The following CAMKK1 variants were observed in gnomAD, a reference collection of about 807,000 sequenced individuals.
CAMKK1 encodes calcium/calmodulin-dependent protein kinase kinase 1.
CAMKK1 carries 20 observed loss-of-function variants against 63.5 expected under a neutral mutation model. That is an observed-to-expected ratio of 0.32 (90% CI 0.22 to 0.46). The LOEUF is 0.46. Among genes scored for constraint, CAMKK1 ranks in the 20% least tolerant of loss-of-function variants. The pLI is 1.00. For missense variants in CAMKK1, 588 were observed against 658.1 expected (o/e 0.89, Z 1.17); for synonymous variants, 253 against 269.0 (o/e 0.94, Z 0.58).
intron 15 of CAMKK1, among the ~76,000 whole-genome samples, chr17:3,864,663 C>T (rs1053407682): frequency 6.6e-6 from 1 of 152,198 alleles, no homozygotes; most frequent in Non-Finnish European, 1.5e-5. Context: ...CATCAGGGGC[C>T]TACATTCCTG....
intron 10 of CAMKK1, 131 bp from the exon 11 acceptor site, chr17:3,873,593 C>G (rs559832181): frequency 1.2e-5 from 11 of 880,090 alleles, no homozygotes; most frequent in Admixed American, 2.0e-5. Flanking sequence ...ACAAACACTC[C>G]GCGGTACTTG....
At position 3,861,212 on chromosome 17, in the gene CAMKK1, C is replaced by T. The variant is rs1282213659; in HGVS notation, c.*999G>A. On this transcript the variant is annotated 3_prime_UTR_variant, in exon 16 of 16. Coordinates refer to ENST00000348335, the MANE Select transcript of CAMKK1 (RefSeq NM_032294.3). ...ATCCCTCCGACCTGGACAGTTTGTC[C>T]TTCGTTGTAGGAGTGTGAGTGCAGC... The T allele has an allele frequency of 6.6e-6, 1 of 152,320 alleles. No homozygotes were observed. The highest frequency in any genetic ancestry group is 2.4e-5 in the African/African-American group (1 of 41,460). The allele number at this position is 152,320 out of a possible 1,614,324, so 9.4% of individuals were successfully genotyped here. A position where few individuals can be genotyped will look rare whatever the true frequency, so the allele number is the denominator to read the frequency against.
intron 10 of CAMKK1, 148 bp downstream of exon 10, chr17:3,876,075 T>C: frequency 1.4e-6 from 1 of 732,338 alleles, no homozygotes. Flanking sequence ...GCCAAAGTTG[T>C]GGAGTTTGTC....
At chr17:3,868,526 C>T (rs1336396282) in intron 14 of CAMKK1, among the ~76,000 whole-genome samples, 4 of 152,218 alleles carry the variant, frequency 2.6e-5, no homozygotes, top group South Asian at 2.1e-4. Context: ...CTGCCCAGGC[C>T]GTTCCCCTGC....
At position 3,861,515 on chromosome 17, in the gene CAMKK1, TCCATCCACTTGGCTG is replaced by T. The variant is rs1242397656; in HGVS notation, c.*681_*695del. 2 of 152,592 alleles carry T rather than the reference TCCATCCACTTGGCTG, an allele frequency of 1.3e-5. No homozygotes were observed. The highest frequency in any genetic ancestry group is 2.9e-5 in the Non-Finnish European group (2 of 68,328). 9.5% of individuals were successfully genotyped at this position (152,592 alleles called of 1,614,324 possible). A position where few individuals can be genotyped will look rare whatever the true frequency, so the allele number is the denominator to read the frequency against. On this transcript the variant is annotated 3_prime_UTR_variant, in exon 16 of 16. Coordinates refer to ENST00000348335, the MANE Select transcript of CAMKK1 (RefSeq NM_032294.3). ...CGAAACACAGTCCAGGAAAGTTAGT[TCCATCCACTTGGCTG>T]CCAAATAATCTTGGGCTGTGCTGGG...
Position 3,873,467 on chromosome 17 carries a change from A to T in CAMKK1, c.997-5T>A, listed in dbSNP as rs1171807336. The T allele has an allele frequency of 1.2e-6, 2 of 1,613,946 alleles. No individual in the cohort carries two copies. ...AGTGGCCCATACATCCAAGGCCTGG[A>T]AAGAAACATGCTCACATCAGTCCCC... On this transcript the variant is annotated splice_region_variant and splice_polypyrimidine_tract_variant and intron_variant, in intron 10 of 15. Coordinates refer to ENST00000348335, the MANE Select transcript of CAMKK1 (RefSeq NM_032294.3).
Position 3,884,546 on chromosome 17 carries a change from C to CCTG in CAMKK1, c.361-120_361-119insCAG. The CCTG allele has an allele frequency of 2.3e-6, 2 of 880,688 alleles. No individual in the cohort carries two copies. The highest frequency in any genetic ancestry group is 2.7e-5 in the East Asian group (1 of 36,856). The allele number at this position is 880,688 out of a possible 1,614,324, so 54.6% of individuals were successfully genotyped here. ...GCTCCTCATTCCCGGACCCCCAGGT[C>CCTG]TCACCAAGCTTTTGAGTTTGGATGG... On this transcript the variant is annotated intron_variant, in intron 2 of 15. Coordinates refer to ENST00000348335, the MANE Select transcript of CAMKK1 (RefSeq NM_032294.3). The surrounding 1 kb of genome is among the most constrained non-coding windows in gnomAD (Gnocchi z 4.5).
Position 3,862,219 on chromosome 17 carries a change from C to T in CAMKK1, c.1510G>A (p.Ala504Thr). ...TGGGTGCATGCAGGGGCTCAGGATG[C>T]AGCCTCGTCTTCCTGGACGCCGGGG... ...ELPGVQEDEA[A>T]S The change falls in exon 16 of 16, where the codon GCA (alanine) becomes ACA (threonine). Residue 504 changes from alanine to threonine, a missense_variant. Physicochemically the swap from Ala to Thr is moderately conservative, Grantham distance 58. Coordinates refer to ENST00000348335, the MANE Select transcript of CAMKK1 (RefSeq NM_032294.3). The surrounding 1 kb of genome is among the most constrained non-coding windows in gnomAD (Gnocchi z 4.1). The T allele has an allele frequency of 6.3e-7, 1 of 1,587,256 alleles. No homozygotes were observed. Among genetic ancestry groups the T allele is most frequent in the Non-Finnish European group, 8.6e-7 (1 of 1,166,256 alleles).
rs778299550 is a variant in CAMKK1, at chr17:3,880,429, A to G, written c.713T>C (p.Val238Ala). The G allele has an allele frequency of 2.9e-5, 46 of 1,613,230 alleles. No individual in the cohort carries two copies. The highest frequency in any genetic ancestry group is 3.5e-5 in the Non-Finnish European group (41 of 1,179,770). ...GGGCTTGTCACAGGGCACTTCCATG[A>G]CGGGCCTATGGAGAAGGATGCGGGG... is the stretch of plus-strand genomic sequence containing the variant. ...LVFDLLRKGPVMEVPCDKPFS... is the reference protein window; with the variant it reads ...LVFDLLRKGPAMEVPCDKPFS... Residue 238 changes from valine (V) to alanine (A), a missense_variant, in exon 9 of 16, where the codon GTC becomes GCC. Around this residue, in one of 3 missense-constraint regions of CAMKK1, gnomAD observed 357 missense variants for 407.4 expected, o/e 0.88. Transcript: ENST00000348335.
chr17:3,869,986 G>C, intron 12 of CAMKK1, 98 bp from the exon 13 acceptor site: 9 of 974,918 alleles, frequency 9.2e-6, no homozygotes, highest in Non-Finnish European at 1.5e-5. Context: ...CGGATGGGAA[G>C]ACTGAGTTCC....
In CAMKK1 at chr17:3,861,881, C is replaced by T; in HGVS notation, c.*330G>A. On this transcript the variant is annotated 3_prime_UTR_variant, in exon 16 of 16. Coordinates refer to ENST00000348335, the MANE Select transcript of CAMKK1 (RefSeq NM_032294.3). ...CTGCCATCTTGGTCTCCTGCCTCTG[C>T]CTCCTGCCCCAGGCCATGCCAACCA... 1 of 357,218 alleles carries T rather than the reference C, an allele frequency of 2.8e-6. No homozygotes were observed. Among genetic ancestry groups the T allele is most frequent in the South Asian group, 3.9e-5 (1 of 25,654 alleles). 22.1% of individuals were successfully genotyped at this position (357,218 alleles called of 1,614,324 possible).
rs373738159 is a variant in CAMKK1 at position 3,882,611 on chromosome 17, G to A, written c.649-47C>T. 7 of 1,556,578 alleles carry A rather than the reference G, an allele frequency of 4.5e-6. No individual in the cohort carries two copies. Among genetic ancestry groups the A allele is most frequent in the East Asian group, 2.4e-5 (1 of 42,470 alleles). On this transcript the variant is annotated intron_variant, in intron 6 of 15. Transcript: ENST00000348335. This position sits in a 1 kb window ranked among gnomAD's most constrained non-coding sequence, Gnocchi z 4.3. The stretch of plus-strand genomic sequence containing the variant: ...GGGGGTGGGGCTTGAGGAGGCGTGG[G>A]GTTGGAGGTCCCAGGCCTCCTGGTC...
In CAMKK1 at chr17:3,862,088, G is replaced by A. The variant is rs780866353; in HGVS notation, c.*123C>T. On this transcript the variant is annotated 3_prime_UTR_variant, in exon 16 of 16. Transcript: ENST00000348335. The surrounding 1 kb of genome is among the most constrained non-coding windows in gnomAD (Gnocchi z 4.1). ...GGAGGTCATGCAGCACGATGGGGGA[G>A]GGGCGGGAGTGGGGCTGCAGTCCCC... 2.7e-4 allele frequency: 193 copies of A among 704,976 alleles called. No homozygotes were observed. The highest frequency in any genetic ancestry group is 3.9e-4 in the Middle Eastern group (1 of 2,580). 43.7% of individuals were successfully genotyped at this position (704,976 alleles called of 1,614,324 possible). A position where few individuals can be genotyped will look rare whatever the true frequency, so the allele number is the denominator to read the frequency against.
rs532834000 is a variant in CAMKK1 at position 3,889,788 on chromosome 17, C to T, written c.-44+3151G>A. On this transcript the variant is annotated intron_variant, in intron 1 of 15. Transcript: ENST00000348335. This position sits in a 1 kb window ranked among gnomAD's most constrained non-coding sequence, Gnocchi z 5.2. Reference sequence around the variant, plus strand: ...TCTGGCCACTCCCAAGGAATGTGGGCCCCCGGCTCCAGACGCCCACTTGGC... The same window carrying T: ...TCTGGCCACTCCCAAGGAATGTGGGTCCCCGGCTCCAGACGCCCACTTGGC... 4.6e-5 allele frequency among the ~76,000 whole-genome samples: 7 copies of T among 152,274 alleles called. No individual in the cohort carries two copies. The East Asian group carries it at 5.8e-4, about 13-fold the overall frequency.
chr17:3,890,680 A>T lies in CAMKK1; in HGVS notation c.-44+2259T>A. The T allele has an allele frequency of 1.3e-6, 1 of 779,114 alleles. No individual in the cohort carries two copies. Among genetic ancestry groups the T allele is most frequent in the Non-Finnish European group, 2.4e-6 (1 of 417,806 alleles). The allele number at this position is 779,114 out of a possible 1,614,324, so 48.3% of individuals were successfully genotyped here. ...CTGTTGCCCACCCTTGCTCCCCACA[A>T]CCCCACACTTACTCTCCACTGCAGC... On this transcript the variant is annotated intron_variant, in intron 1 of 15. Transcript: ENST00000348335. This position sits in a 1 kb window ranked among gnomAD's most constrained non-coding sequence, Gnocchi z 6.5.
chr17:3,868,481 A>G (rs1178224072), intron 14 of CAMKK1, among the ~76,000 whole-genome samples: 3 of 151,662 alleles, frequency 2.0e-5, no homozygotes, highest in Non-Finnish European at 4.4e-5. Context: ...CCTAACTGAT[A>G]CGTGGGCTTT....
At position 3,873,376 on chromosome 17, in the gene CAMKK1, C is replaced by T. The variant is rs369077993; in HGVS notation, c.1050+33G>A. 46 of 1,610,326 alleles carry T rather than the reference C, an allele frequency of 2.9e-5. No homozygotes were observed. In the Admixed American group the frequency reaches 3.3e-4, roughly 12 times the overall value. Reference sequence around the variant, plus strand: ...TCGCCCGTGCCCGCCTCACTGGACCCGCCCCAGCTCTGCTGGCATCCCTGG... The same window carrying T: ...TCGCCCGTGCCCGCCTCACTGGACCTGCCCCAGCTCTGCTGGCATCCCTGG... On this transcript the variant is annotated intron_variant, in intron 11 of 15. Coordinates refer to ENST00000348335, the MANE Select transcript of CAMKK1 (RefSeq NM_032294.3).
Position 3,882,666 on chromosome 17 carries a change from T to C in CAMKK1, c.649-102A>G. On this transcript the variant is annotated intron_variant, in intron 6 of 15. Transcript: ENST00000348335. This position sits in a 1 kb window ranked among gnomAD's most constrained non-coding sequence, Gnocchi z 4.3. ...CCAGCCCCAGAACCCTTAGTATGCA[T>C]GCAACCACCCCAGACAAGGAAGCAG... The C allele has an allele frequency of 5.5e-6, 6 of 1,082,316 alleles. No individual in the cohort carries two copies. In the South Asian group the frequency reaches 8.2e-5, roughly 15 times the overall value. The allele number at this position is 1,082,316 out of a possible 1,614,324, so 67.0% of individuals were successfully genotyped here.
At position 3,882,555 on chromosome 17, in the gene CAMKK1, C is replaced by A; in HGVS notation, c.658G>T (p.Asp220Tyr). 6.3e-7 allele frequency: 1 copy of A among 1,593,562 alleles called. No individual in the cohort carries two copies. The highest frequency in any genetic ancestry group is 1.1e-5 in the South Asian group (1 of 88,222). ...AAATAGAGGTTGTCCTCAGCTGGGTCATCCAGGACCTGGTCAGAGGGAGCA... is the reference window on the plus strand; with the variant it reads ...AAATAGAGGTTGTCCTCAGCTGGGTAATCCAGGACCTGGTCAGAGGGAGCA... ...NVVKLIEVLD[D>Y]PAEDNLYLVF... The change falls in exon 7 of 16, where the codon GAC (aspartate) becomes TAC (tyrosine). Residue 220 changes from aspartate to tyrosine, a missense_variant. By Grantham distance (160) the Asp-to-Tyr change is radical. Coordinates refer to ENST00000348335, the MANE Select transcript of CAMKK1 (RefSeq NM_032294.3). This position sits in a 1 kb window ranked among gnomAD's most constrained non-coding sequence, Gnocchi z 4.3.
Sources: gnomAD v4.1 joint callset for allele counts (sites outside exome capture counted in the v4.1 genomes callset) on GRCh38, gnomAD v4.1.1 for gene constraint, gnomAD v4.1.1 regional missense constraint, Gnocchi (gnomAD v3.1) non-coding constraint, MANE v1.5 for transcripts, NCBI Gene and HGNC (gene_info 2026-07-23, HGNC 2026-07-21) for gene names.